Variants in TMEM91 observed in about 807,000 individuals in gnomAD.
The protein encoded by TMEM91 is dispanin subfamily C member 3.
A neutral mutation model predicts 13.3 loss-of-function variants in TMEM91; 6 were observed. That is an observed-to-expected ratio of 0.45 (90% CI 0.25 to 0.89). TMEM91 has a LOEUF of 0.89. Ranked by LOEUF, TMEM91 falls within the 40% of genes least tolerant of loss-of-function variation. The probability of loss-of-function intolerance (pLI) is 0.19; values close to 1 mark genes in which losing one functional copy is unlikely to be tolerated. For missense variants in TMEM91, 193 were observed against 228.7 expected (o/e 0.84, Z 1.01); for synonymous variants, 87 against 101.7 (o/e 0.86, Z 0.87).
Position 41,383,975 on chromosome 19 carries a change from G to T in TMEM91, c.*102G>T. On this transcript the variant is annotated 3_prime_UTR_variant, in exon 4 of 4. Coordinates refer to ENST00000392002, the MANE Select transcript of TMEM91 (RefSeq NM_001098821.2). ...GTGGATGAGGCTGCGGCGGCGGCAG[G>T]AGCATCTAGAAACGGGAGCGAGCTG... 6.6e-7 allele frequency: 1 copy of T among 1,508,820 alleles called. No individual in the cohort carries two copies. Among genetic ancestry groups the T allele is most frequent in the African/African-American group, 1.4e-5 (1 of 69,464 alleles). 93.5% of individuals were successfully genotyped at this position (1,508,820 alleles called of 1,614,324 possible).
chr19:41,377,942 A>G (rs1285145179), intron 1 of TMEM91, among the ~76,000 whole-genome samples: 7 of 146,832 alleles, frequency 4.8e-5, no homozygotes, highest in Non-Finnish European at 1.0e-4. Context: ...TGAACCCGGG[A>G]GGTGGAGGCT....
At chr19:41,379,137 CTTTTT>C (rs569382453) in intron 2 of TMEM91, among the ~76,000 whole-genome samples, 46 of 109,068 alleles carry the variant, frequency 4.2e-4, no homozygotes, top group African/African-American at 1.7e-3. Context: ...CCCAGCCTTC[CTTTTT>C]TTTTTTTTTT....
Position 41,382,782 on chromosome 19 carries a change from C to A in TMEM91, c.221C>A (p.Ser74Tyr). Residue 74 changes from serine (S) to tyrosine (Y), a missense_variant, in exon 3 of 4, where the codon TCC becomes TAC. Physicochemically the swap from Ser to Tyr is moderately radical, Grantham distance 144. Transcript: ENST00000392002. ...PRPPDVEDMSSSDSDSDWDGG... is the reference protein window; with the variant it reads ...PRPPDVEDMSYSDSDSDWDGG... Reference sequence around the variant, plus strand: ...CTTTCCTGTCCGTAGGACATGTCATCCAGTGACAGTGACTCGGACTGGGAT... The same window carrying A: ...CTTTCCTGTCCGTAGGACATGTCATACAGTGACAGTGACTCGGACTGGGAT... 1 of 1,613,884 alleles carries A rather than the reference C, an allele frequency of 6.2e-7. No homozygotes were observed. The highest frequency in any genetic ancestry group is 8.5e-7 in the Non-Finnish European group (1 of 1,179,824).
At chr19:41,364,934 G>T (rs1368368313) in intron 1 of TMEM91, among the ~76,000 whole-genome samples, 1 of 151,884 alleles carries the variant, frequency 6.6e-6, no homozygotes, top group Non-Finnish European at 1.5e-5. Flanking sequence ...GAGTACGGTG[G>T]CTCGATCACA....
At chr19:41,378,863 G>T (rs1462839257) in intron 2 of TMEM91, among the ~76,000 whole-genome samples, 1 of 150,188 alleles carries the variant, frequency 6.7e-6, no homozygotes, top group African/African-American at 2.5e-5. Context: ...ACAGGGTCTC[G>T]CTCTGTTGCC....
At position 41,382,899 on chromosome 19, in the gene TMEM91, C is replaced by CT; in HGVS notation, c.339dup (p.Ala114CysfsTer?). The CT allele has an allele frequency of 6.2e-7, 1 of 1,614,194 alleles. No individual in the cohort carries two copies. The highest frequency in any genetic ancestry group is 8.5e-7 in the Non-Finnish European group (1 of 1,180,034). ...TGTTGTTTCTGGCCCGTTGGCATCGCTGCCTTCTGTCTAGCCCAGAAGGTC... is the reference window on the plus strand; with the variant it reads ...TGTTGTTTCTGGCCCGTTGGCATCGCTTGCCTTCTGTCTAGCCCAGAAGGTC... On this transcript the variant is annotated frameshift_variant, in exon 3 of 4. Transcript: ENST00000392002. LOFTEE classifies it high-confidence loss of function.
chr19:41,372,333 G>T (rs1599922986), upstream of TMEM91, among the ~76,000 whole-genome samples: 1 of 151,836 alleles, frequency 6.6e-6, no homozygotes, highest in East Asian at 1.9e-4. Context: ...GCAACAGAGT[G>T]AGACTTCCTT....
rs775513043 is a variant in TMEM91, at chr19:41,383,799, G to T, written c.445G>T (p.Gly149Trp). Residue 149 changes from glycine to tryptophan, a missense_variant, in exon 4 of 4, where the codon GGG becomes TGG. Transcript: ENST00000392002. ...RAFLLGVLAV[G>W]LGVCTYAAAL... ...CTTCCTGCTGGGGGTCCTCGCCGTC[G>T]GGCTGGGCGTGTGCACGTATGCGGC... 5.0e-6 allele frequency: 8 copies of T among 1,611,146 alleles called. No individual in the cohort carries two copies. The Admixed American group carries it at 1.0e-4, about 20-fold the overall frequency.
rs191451866 is a variant in TMEM91, at chr19:41,370,470, C to T, written c.-30+6375C>T. ...TGCCCAGGCTGGAGTGCAGTGGCAC[C>T]GTGTCAGCTCACTGCAACCTCCGCC... On this transcript the variant is annotated intron_variant, in intron 1 of 3. Coordinates refer to the TMEM91 transcript ENST00000413014. Among the ~76,000 whole-genome samples the T allele has an allele frequency of 2.0e-3, 295 of 151,206 alleles. 4 individuals are homozygous for T. The highest frequency in any genetic ancestry group is 9.7e-4 in the East Asian group (5 of 5,142).
At chr19:41,364,353 G>A (rs2038476407) in intron 1 of TMEM91, among the ~76,000 whole-genome samples, 1 of 152,200 alleles carries the variant, frequency 6.6e-6, no homozygotes, top group African/African-American at 2.4e-5. Flanking sequence ...GAGTGTGGCT[G>A]AGGAAGTTTG....
chr19:41,371,344 TCC>T (rs1160037432), intron 1 of TMEM91, among the ~76,000 whole-genome samples: 1 of 147,086 alleles, frequency 6.8e-6, no homozygotes, highest in African/African-American at 2.5e-5. Context: ...CTTCCTTCCT[TCC>T]TTCCTTCCTT....
chr19:41,368,382 A>G (rs1012247086), intron 1 of TMEM91, among the ~76,000 whole-genome samples: 49 of 145,988 alleles, frequency 3.4e-4, no homozygotes, highest in South Asian at 2.3e-4. Context: ...ATGCCAAGGT[A>G]CTTCAGCCTG....
At chr19:41,382,020 C>T (rs1304926039) in intron 2 of TMEM91, among the ~76,000 whole-genome samples, 1 of 151,938 alleles carries the variant, frequency 6.6e-6, no homozygotes, top group Non-Finnish European at 1.5e-5. Context: ...GGCATACCAC[C>T]ACGCCTGGCT....
upstream of TMEM91, among the ~76,000 whole-genome samples, chr19:41,375,297 T>TCC (rs1489483992): frequency 8.8e-6 from 1 of 113,262 alleles, no homozygotes; most frequent in Non-Finnish European, 1.8e-5. Flanking sequence ...TTTTTTTTTT[T>TCC]TGAGACGGAG....
At chr19:41,368,411 T>C (rs971759980) in intron 1 of TMEM91, among the ~76,000 whole-genome samples, 1 of 141,884 alleles carries the variant, frequency 7.0e-6, no homozygotes, top group African/African-American at 2.6e-5. Flanking sequence ...AGTGAAAACC[T>C]GTCACCTTTT....
upstream of TMEM91, among the ~76,000 whole-genome samples, chr19:41,375,965 C>T (rs1028562177): frequency 6.6e-6 from 1 of 151,900 alleles, no homozygotes; most frequent in Non-Finnish European, 1.5e-5. Context: ...ACTAAAAATA[C>T]AAAAATTAGC....
chr19:41,368,784 C>A (rs1220328650), intron 1 of TMEM91, among the ~76,000 whole-genome samples: 1 of 151,702 alleles, frequency 6.6e-6, no homozygotes, highest in Non-Finnish European at 1.5e-5. Context: ...TTCTCCTTCC[C>A]TTCAGTATGG....
upstream of TMEM91, among the ~76,000 whole-genome samples, chr19:41,375,586 C>G (rs1403942486): frequency 6.6e-6 from 1 of 151,118 alleles, no homozygotes; most frequent in African/African-American, 2.4e-5. Flanking sequence ...CCCGTGAGCC[C>G]GTTTCTTTAT....
At chr19:41,374,144 A>G (rs966515292), upstream of TMEM91, 7 of 152,250 alleles carry the variant, frequency 4.6e-5, no homozygotes, top group Non-Finnish European at 1.0e-4. Flanking sequence ...AGCCAAGTGC[A>G]CTTGCAGACG....
Sources: allele counts gnomAD v4.1 joint callset (sites outside exome capture counted in the v4.1 genomes callset), GRCh38; gene constraint gnomAD v4.1.1; transcripts MANE v1.5; gene names NCBI Gene and HGNC (gene_info 2026-07-23, HGNC 2026-07-21).